Variants in PDGFA observed in about 807,000 individuals in gnomAD.
PDGFA encodes the protein platelet derived growth factor subunit A.
A neutral mutation model predicts 25.6 loss-of-function variants in PDGFA; 9 were observed. That is an observed-to-expected ratio of 0.35 (90% CI 0.21 to 0.61). The LOEUF (loss-of-function observed/expected upper bound fraction) is 0.61, where lower values mean the gene tolerates loss of function less well. Among genes scored for constraint, PDGFA ranks in the 20% least tolerant of loss-of-function variants. The pLI, the probability that PDGFA is intolerant of heterozygous loss-of-function variation, is 0.75. For synonymous variants in PDGFA, 133 were observed against 111.8 expected (o/e 1.19, Z -1.20); for missense variants, 242 against 272.8 (o/e 0.89, Z 0.79).
rs139743935 is a variant in PDGFA at position 498,756 on chromosome 7, C to A, written c.581-182G>T. Among the ~76,000 whole-genome samples, 335 of 152,352 alleles carry A rather than the reference C, an allele frequency of 2.2e-3. 1 individual carries two copies. The highest frequency in any genetic ancestry group is 7.7e-3 in the African/African-American group (320 of 41,570). ...TTGCCACATTGGCCATGTTGCAGTA[C>A]CCTGACAGGAATTGGGATTAGGCTC... is the stretch of plus-strand genomic sequence containing the variant. On this transcript the variant is annotated intron_variant, in intron 5 of 5. Coordinates refer to ENST00000402802, the Ensembl canonical transcript of PDGFA.
At chr7:505,518 C>T (rs1782522699) in intron 4 of PDGFA, among the ~76,000 whole-genome samples, 1 of 152,174 alleles carries the variant, frequency 6.6e-6, no homozygotes, top group South Asian at 2.1e-4. Flanking sequence ...CCACTCCCTG[C>T]GGGGGACCCC....
At chr7:510,370 A>G (rs1453134784) in intron 4 of PDGFA, among the ~76,000 whole-genome samples, 1 of 151,536 alleles carries the variant, frequency 6.6e-6, no homozygotes, top group African/African-American at 2.4e-5. Flanking sequence ...CCCAGGAGGG[A>G]CCCTGGCAAC....
intron 4 of PDGFA, among the ~76,000 whole-genome samples, chr7:502,809 C>CACACAT (rs1554273862): frequency 4.5e-5 from 6 of 132,142 alleles, no homozygotes; most frequent in African/African-American, 1.9e-4. Context: ...CACACACACA[C>CACACAT]ATAATGCACA....
At chr7:519,728 G>A (rs1415264634), upstream of PDGFA, among the ~76,000 whole-genome samples, 1 of 145,986 alleles carries the variant, frequency 6.8e-6, no homozygotes, top group Non-Finnish European at 1.5e-5. Flanking sequence ...GCGCGGGCCT[G>A]AGGGCGGGCG....
intron 5 of PDGFA, among the ~76,000 whole-genome samples, chr7:499,733 C>T (rs1047277793): frequency 2.0e-5 from 2 of 100,068 alleles, no homozygotes; most frequent in African/African-American, 7.9e-5. Context: ...CCCCCCCCCC[C>T]GCTCACTCCT....
At chr7:499,869 C>T (rs988014027) in intron 5 of PDGFA, among the ~76,000 whole-genome samples, 14 of 152,108 alleles carry the variant, frequency 9.2e-5, no homozygotes, top group Non-Finnish European at 2.1e-4. Context: ...CAAGACTACC[C>T]TCCCTGCTCT....
rs1241507226 is a variant in PDGFA at position 500,624 on chromosome 7, G to A, written c.580+492C>T. ...AAGAGAAGGCCAGCACCCTGGCACC[G>A]AGAAACTTCTGAGTCCCCTCATGCT... On this transcript the variant is annotated intron_variant, in intron 5 of 5. Coordinates refer to ENST00000402802, the Ensembl canonical transcript of PDGFA. This position sits in a 1 kb window ranked among gnomAD's most constrained non-coding sequence, Gnocchi z 5.0. 9.3e-6 allele frequency: 14 copies of A among 1,511,042 alleles called. No individual in the cohort carries two copies. The highest frequency in any genetic ancestry group is 2.8e-5 in the African/African-American group (2 of 71,666). 93.6% of individuals were successfully genotyped at this position (1,511,042 alleles called of 1,614,324 possible). A position where few individuals can be genotyped will look rare whatever the true frequency, so the allele number is the denominator to read the frequency against.
chr7:500,336 C>T lies in PDGFA; in HGVS notation c.580+780G>A. On this transcript the variant is annotated intron_variant, in intron 5 of 5. Coordinates refer to ENST00000402802, the Ensembl canonical transcript of PDGFA. This position sits in a 1 kb window ranked among gnomAD's most constrained non-coding sequence, Gnocchi z 5.0. ...GCCAATCAGGGCCACATCCCCGCCG[C>T]ACCCGGCGAGACAGGAAGCGTGATT... The T allele has an allele frequency of 7.2e-7, 1 of 1,386,534 alleles. No individual in the cohort carries two copies. The highest frequency in any genetic ancestry group is 1.0e-6 in the Non-Finnish European group (1 of 981,378). 85.9% of individuals were successfully genotyped at this position (1,386,534 alleles called of 1,614,324 possible).
exon 6 of PDGFA, chr7:497,869 TAAAAAAAAAA>T (rs377428492): frequency 4.0e-5 from 1 of 24,982 alleles, no homozygotes; most frequent in Non-Finnish European, 6.5e-5. Flanking sequence ...AAGAGATAAT[TAAAAAAAAAA>T]AAAAAAAAAA....
At chr7:504,788 C>T (rs1782488520) in intron 4 of PDGFA, among the ~76,000 whole-genome samples, 1 of 152,256 alleles carries the variant, frequency 6.6e-6, no homozygotes. Context: ...GGGCAGATAC[C>T]AGGGCCTGGC....
chr7:511,983 T>C (rs1213968269), intron 3 of PDGFA, among the ~76,000 whole-genome samples: 1 of 152,160 alleles, frequency 6.6e-6, no homozygotes, highest in African/African-American at 2.4e-5. Flanking sequence ...CACTGCGAAT[T>C]GGAAATTAGG....
At chr7:498,240 C>G (rs1044751198) in exon 6 of PDGFA, 2 of 382,418 alleles carry the variant, frequency 5.2e-6, no homozygotes, top group African/African-American at 4.1e-5. Context: ...TCCCACGGGG[C>G]GACCCTCCAT....
At chr7:498,241 G>C (rs1189136663) in exon 6 of PDGFA, 1 of 382,976 alleles carries the variant, frequency 2.6e-6, no homozygotes, top group Non-Finnish European at 4.8e-6. Flanking sequence ...CCCACGGGGC[G>C]ACCCTCCATC....
Position 509,330 on chromosome 7 carries a change from T to C in PDGFA, c.453+1479A>G, listed in dbSNP as rs143572191. Among the ~76,000 whole-genome samples, 1,316 of 152,310 alleles carry C rather than the reference T, an allele frequency of 8.6e-3. 18 individuals carry two copies. Among genetic ancestry groups the C allele is most frequent in the African/African-American group, 0.03 (1,240 of 41,556 alleles). On this transcript the variant is annotated intron_variant, in intron 4 of 5. Transcript: ENST00000402802. ...TCTTAGAGACGGAGTCTTGCTCTAC[T>C]GTCCAGGCTGGAATGCAGTGATGCC...
At chr7:518,783 G>C (rs949161431) in intron 1 of PDGFA, among the ~76,000 whole-genome samples, 156 bp downstream of exon 1, 2 of 152,196 alleles carry the variant, frequency 1.3e-5, no homozygotes, top group African/African-American at 4.8e-5. Context: ...CACACACTTA[G>C]GCATGGCAGA....
At chr7:512,408 C>T (rs1379711215) in exon 3 of PDGFA, 3 of 1,613,814 alleles carry the variant, frequency 1.9e-6, no homozygotes, top group South Asian at 1.1e-5. Flanking sequence ...TGCTTAGTGG[C>T]ATGGACCCCG....
chr7:518,012 CAG>C (rs1274594213), intron 1 of PDGFA, among the ~76,000 whole-genome samples: 7 of 152,118 alleles, frequency 4.6e-5, no homozygotes, highest in Non-Finnish European at 1.0e-4. Flanking sequence ...CACGCGCGCG[CAG>C]ACACACACAC....
At chr7:511,139 CTGGGAGCAGAGGCTT>C in intron 3 of PDGFA, 143 bp from the exon 4 acceptor site, 1 of 678,978 alleles carries the variant, frequency 1.5e-6, no homozygotes, top group Non-Finnish European at 2.5e-6. Flanking sequence ...AGAGGCTGAG[CTGGGAGCAGAGGCTT>C]AGGGGCTGGG....
intron 4 of PDGFA, among the ~76,000 whole-genome samples, chr7:507,435 C>T (rs997015975): frequency 6.6e-6 from 1 of 152,214 alleles, no homozygotes; most frequent in Non-Finnish European, 1.5e-5. Flanking sequence ...ACCCCCAACA[C>T]TGCACTGGCC....
Sources: allele counts gnomAD v4.1 joint callset (sites outside exome capture counted in the v4.1 genomes callset), GRCh38; gene constraint gnomAD v4.1.1; non-coding constraint Gnocchi (gnomAD v3.1); transcripts MANE v1.5; gene names NCBI Gene and HGNC (gene_info 2026-07-23, HGNC 2026-07-21).